The following E2F3 variants were observed in gnomAD, a reference collection of about 807,000 sequenced individuals.
E2F3 encodes E2F transcription factor 3.
In E2F3, 11 loss-of-function variants were observed where a neutral mutation model predicts 44.4. That is an observed-to-expected ratio of 0.25 (90% CI 0.16 to 0.41). E2F3 has a LOEUF of 0.41. E2F3 is among the 10% of genes least tolerant of loss of function. The pLI, the probability that E2F3 is intolerant of heterozygous loss-of-function variation, is 1.00. For synonymous variants in E2F3, 249 were observed against 253.0 expected (o/e 0.98, Z 0.15); for missense variants, 487 against 583.6 (o/e 0.83, Z 1.70).
intron 1 of E2F3, among the ~76,000 whole-genome samples, chr6:20,463,943 TTTGA>T (rs1424078049): frequency 6.6e-6 from 1 of 152,094 alleles, no homozygotes; most frequent in Non-Finnish European, 1.5e-5. Context: ...CCTTCTTGGG[TTTGA>T]TTAATTTGCC....
intron 1 of E2F3, among the ~76,000 whole-genome samples, chr6:20,423,290 A>G (rs1316416486): frequency 2.6e-5 from 4 of 152,190 alleles, no homozygotes; most frequent in Admixed American, 6.5e-5. Context: ...CCTAGGCTAC[A>G]AACCTGTACT....
intron 1 of E2F3, among the ~76,000 whole-genome samples, chr6:20,468,510 G>T (rs150938230): frequency 2.7e-4 from 41 of 152,312 alleles, no homozygotes; most frequent in Non-Finnish European, 5.3e-4. Flanking sequence ...GAACCTCCTT[G>T]TGTTCAGCTA....
At chr6:20,410,683 A>G (rs965947070) in intron 1 of E2F3, among the ~76,000 whole-genome samples, 4 of 152,060 alleles carry the variant, frequency 2.6e-5, no homozygotes, top group Non-Finnish European at 5.9e-5. Context: ...CAATGGTGCA[A>G]TCTTGGCTCA....
chr6:20,404,135 C>T (rs986841601), intron 1 of E2F3, among the ~76,000 whole-genome samples: 1 of 132,142 alleles, frequency 7.6e-6, no homozygotes, highest in African/African-American at 3.0e-5. Context: ...CGCCAATGGC[C>T]GAGTTGAGCT....
chr6:20,452,952 C>CA (rs1321267164), intron 1 of E2F3, among the ~76,000 whole-genome samples: 7 of 149,696 alleles, frequency 4.7e-5, no homozygotes, highest in South Asian at 2.1e-4. Context: ...GACTCCATCT[C>CA]AAAAAAAAAG....
chr6:20,422,725 C>T (rs1263184885), intron 1 of E2F3, among the ~76,000 whole-genome samples: 1 of 152,096 alleles, frequency 6.6e-6, no homozygotes, highest in East Asian at 1.9e-4. Context: ...AGACAGGGTA[C>T]AGCTGGAAGG....
At position 20,490,063 on chromosome 6, in the gene E2F3, C is replaced by A. The variant is rs147517685; in HGVS notation, c.1136-105C>A. ...AAAGTCGTCTCATTGTCATTATTTG[C>A]GGAAGGTACATGCTTTTTTCTAACA... On this transcript the variant is annotated intron_variant, in intron 6 of 6. Transcript: ENST00000346618. This position sits in a 1 kb window ranked among gnomAD's most constrained non-coding sequence, Gnocchi z 4.3. 1.6e-6 allele frequency: 2 copies of A among 1,253,002 alleles called. No homozygotes were observed. Among genetic ancestry groups the A allele is most frequent in the Non-Finnish European group, 2.2e-6 (2 of 915,322 alleles). The allele number at this position is 1,253,002 out of a possible 1,614,324, so 77.6% of individuals were successfully genotyped here.
chr6:20,482,260 TTTC>T (rs1047459848), intron 3 of E2F3, among the ~76,000 whole-genome samples: 1 of 152,110 alleles, frequency 6.6e-6, no homozygotes, highest in Non-Finnish European at 1.5e-5. Flanking sequence ...TTTCCTTTAC[TTTC>T]TTTTCTTTTT....
chr6:20,456,058 C>T (rs981684281), intron 1 of E2F3, among the ~76,000 whole-genome samples: 10 of 152,004 alleles, frequency 6.6e-5, no homozygotes, highest in African/African-American at 2.4e-4. Context: ...ATGTTCTTAC[C>T]TGTAATCTCA....
chr6:20,428,113 A>T (rs1438448898), intron 1 of E2F3, among the ~76,000 whole-genome samples: 1 of 152,234 alleles, frequency 6.6e-6, no homozygotes, highest in Non-Finnish European at 1.5e-5. Flanking sequence ...TTTTCTCCCA[A>T]GGTGAGGGAG....
In E2F3 at chr6:20,437,915, A is replaced by G. The variant is rs554963559; in HGVS notation, c.393+35290A>G. ...CCTTCCCATAAAGTCTGTGCTCTCCAGCGGCGCTTGGTAATAAGATTTATT... is the reference window on the plus strand; with the variant it reads ...CCTTCCCATAAAGTCTGTGCTCTCCGGCGGCGCTTGGTAATAAGATTTATT... On this transcript the variant is annotated intron_variant, in intron 1 of 6. Coordinates refer to ENST00000346618, the MANE Select transcript of E2F3 (RefSeq NM_001949.5). 2.0e-5 allele frequency: 3 copies of G among 152,374 alleles called. No homozygotes were observed. The South Asian group carries it at 6.2e-4, about 32-fold the overall frequency. The allele number at this position is 152,374 out of a possible 1,614,324, so 9.4% of individuals were successfully genotyped here.
chr6:20,467,642 T>C (rs114960382), intron 1 of E2F3, among the ~76,000 whole-genome samples: 3 of 152,332 alleles, frequency 2.0e-5, no homozygotes, highest in Non-Finnish European at 4.4e-5. Flanking sequence ...GGCTGAAGCA[T>C]AGATTGACTG....
chr6:20,463,914 A>C (rs1405791884), intron 1 of E2F3, among the ~76,000 whole-genome samples: 2 of 152,174 alleles, frequency 1.3e-5, no homozygotes, highest in Non-Finnish European at 2.9e-5. Flanking sequence ...ATAGCTATAA[A>C]TTGGGGTTCC....
chr6:20,445,248 T>TC (rs1760902795), intron 1 of E2F3: 1 of 261,630 alleles, frequency 3.8e-6, no homozygotes, highest in African/African-American at 4.0e-5. Context: ...ATTTTCTCCC[T>TC]TTTTTTTTTT....
intron 1 of E2F3, among the ~76,000 whole-genome samples, chr6:20,426,808 C>G (rs1296191957): frequency 6.6e-6 from 1 of 152,194 alleles, no homozygotes; most frequent in African/African-American, 2.4e-5. Context: ...CTTCCCATCC[C>G]CCCCAATACA....
At chr6:20,422,213 G>A (rs1221622433) in intron 1 of E2F3, among the ~76,000 whole-genome samples, 6 of 152,192 alleles carry the variant, frequency 3.9e-5, no homozygotes, top group Non-Finnish European at 8.8e-5. Context: ...ATGATATGGA[G>A]AAGGCTTCTT....
At position 20,480,990 on chromosome 6, in the gene E2F3, A is replaced by G. The variant is rs4134937; in HGVS notation, c.506-216A>G. 7.7e-3 allele frequency among the ~76,000 whole-genome samples: 1,179 copies of G among 152,304 alleles called. 7 individuals are homozygous for G. Among genetic ancestry groups the G allele is most frequent in the South Asian group, 0.035 (169 of 4,830 alleles). On this transcript the variant is annotated intron_variant, in intron 2 of 6. Coordinates refer to ENST00000346618, the MANE Select transcript of E2F3 (RefSeq NM_001949.5). ...GAGAAATTCAAGGTGAAATGCTTTA[A>G]TCAAACCCTGGAATTTTTACCTTCC... is the stretch of plus-strand genomic sequence containing the variant.
In E2F3 at chr6:20,432,019, AC is replaced by A. The variant is rs564124232; in HGVS notation, c.393+29398del. 3.0e-4 allele frequency among the ~76,000 whole-genome samples: 45 copies of A among 152,280 alleles called. 1 individual carries two copies. The highest frequency in any genetic ancestry group is 5.0e-4 in the Non-Finnish European group (34 of 68,028). ...TTTCCTTCAGATTGGATTTGGGCTTACCCCAATGGCCTCTTTCAACTTAATC... is the reference window on the plus strand; with the variant it reads ...TTTCCTTCAGATTGGATTTGGGCTTACCCAATGGCCTCTTTCAACTTAATC... On this transcript the variant is annotated intron_variant, in intron 1 of 6. Transcript: ENST00000346618.
At position 20,429,553 on chromosome 6, in the gene E2F3, G is replaced by A. The variant is rs1234643613; in HGVS notation, c.393+26928G>A. Among the ~76,000 whole-genome samples the A allele has an allele frequency of 7.9e-5, 12 of 152,112 alleles. No homozygotes were observed. In the East Asian group the frequency reaches 1.7e-3, roughly 22 times the overall value. On this transcript the variant is annotated intron_variant, in intron 1 of 6. Transcript: ENST00000346618. ...AGTAGGGGTCTTGGAATGTATCCTC[G>A]GAGGATGAGGAGAGACTACCGTATT...
Sources: gnomAD v4.1 joint callset for allele counts (sites outside exome capture counted in the v4.1 genomes callset) on GRCh38, gnomAD v4.1.1 for gene constraint, Gnocchi (gnomAD v3.1) non-coding constraint, MANE v1.5 for transcripts, NCBI Gene and HGNC (gene_info 2026-07-23, HGNC 2026-07-21) for gene names.